Variants in KDM3B observed in about 807,000 individuals in gnomAD.
The protein encoded by KDM3B is lysine-specific demethylase 3B.
Under a neutral mutation model 170.0 loss-of-function variants are expected in KDM3B, and 10 were observed. That is an observed-to-expected ratio of 0.06 (90% CI 0.04 to 0.10). The LOEUF (loss-of-function observed/expected upper bound fraction) is 0.10, where lower values mean the gene tolerates loss of function less well. KDM3B is among the 10% of genes least tolerant of loss of function. KDM3B has a pLI of 1.00. For synonymous variants in KDM3B, 831 were observed against 834.8 expected (o/e 1.00, Z 0.08); for missense variants, 1,394 against 2,195.2 (o/e 0.64, Z 7.29).
chr5:138,403,794 TCCAG>T (rs1762748977), intron 11 of KDM3B, among the ~76,000 whole-genome samples: 1 of 148,692 alleles, frequency 6.7e-6, no homozygotes, highest in Non-Finnish European at 1.5e-5. Flanking sequence ...GGAGTTCAAT[TCCAG>T]CCTAGGCAAT....
intron 11 of KDM3B, among the ~76,000 whole-genome samples, chr5:138,407,274 C>T (rs1762847921): frequency 6.6e-6 from 1 of 152,118 alleles, no homozygotes; most frequent in Non-Finnish European, 1.5e-5. Flanking sequence ...GTGTGAGCCA[C>T]CACGCCCAGC....
chr5:138,405,819 C>T (rs1234851676), intron 11 of KDM3B, among the ~76,000 whole-genome samples: 3 of 151,962 alleles, frequency 2.0e-5, no homozygotes, highest in Non-Finnish European at 4.4e-5. Flanking sequence ...AATAGCAGCA[C>T]AGAGGAAAAG....
chr5:138,428,936 A>ATT (rs1763461775), intron 20 of KDM3B, among the ~76,000 whole-genome samples: 2 of 124,638 alleles, frequency 1.6e-5, no homozygotes, highest in African/African-American at 6.6e-5. Flanking sequence ...TTCAGGGATA[A>ATT]TTTCTTTTTT....
chr5:138,380,536 A>T (rs569705459), intron 5 of KDM3B, among the ~76,000 whole-genome samples: 10 of 152,096 alleles, frequency 6.6e-5, no homozygotes, highest in Admixed American at 5.2e-4. Flanking sequence ...CACTACATGG[A>T]TATATCATGA....
In KDM3B at chr5:138,436,938, A is replaced by G. The variant is rs1763691243; in HGVS notation, c.*1238A>G. 1 of 151,230 alleles carries G rather than the reference A, an allele frequency of 6.6e-6. No homozygotes were observed. The highest frequency in any genetic ancestry group is 2.1e-4 in the South Asian group (1 of 4,812). The allele number at this position is 151,230 out of a possible 1,614,324, so 9.4% of individuals were successfully genotyped here. On this transcript the variant is annotated 3_prime_UTR_variant, in exon 24 of 24. Coordinates refer to ENST00000314358, the MANE Select transcript of KDM3B (RefSeq NM_016604.4). ...TTTTTAAATAAAAGTCATTTAATGT[A>G]GAATACTTTTAATTTCACTTTCTGT...
chr5:138,400,949 C>A (rs1762670573), intron 11 of KDM3B, among the ~76,000 whole-genome samples: 1 of 150,450 alleles, frequency 6.6e-6, no homozygotes, highest in South Asian at 2.1e-4. Flanking sequence ...CTTTTTGTCT[C>A]TGTAGATTTG....
At chr5:138,387,233 A>G (rs1762287290) in intron 7 of KDM3B, among the ~76,000 whole-genome samples, 1 of 152,124 alleles carries the variant, frequency 6.6e-6, no homozygotes, top group African/African-American at 2.4e-5. Context: ...CTAAAATGGA[A>G]CCTCTGTTAA....
intron 11 of KDM3B, among the ~76,000 whole-genome samples, chr5:138,406,981 A>AT (rs745918786): frequency 0.24 from 28,933 of 118,960 alleles, 4,058 homozygotes; most frequent in East Asian, 0.49. Context: ...TATGCCAATA[A>AT]TTTTTTTTTT....
intron 11 of KDM3B, among the ~76,000 whole-genome samples, chr5:138,401,444 A>G (rs896647461): frequency 2.6e-5 from 4 of 152,226 alleles, no homozygotes; most frequent in Non-Finnish European, 4.4e-5. Flanking sequence ...GTTTTAGCAC[A>G]TGTGAACCAT....
chr5:138,367,383 T>C (rs1234920064), intron 1 of KDM3B, among the ~76,000 whole-genome samples: 1 of 152,174 alleles, frequency 6.6e-6, no homozygotes, highest in East Asian at 1.9e-4. Context: ...ACAGCCAGAA[T>C]CCAAACTGAT....
At chr5:138,425,703 T>G in intron 17 of KDM3B, 121 bp downstream of exon 17, 1 of 938,776 alleles carries the variant, frequency 1.1e-6, no homozygotes. Context: ...AAAAAATAAA[T>G]GAATAAAAAA....
intron 22 of KDM3B, 126 bp from the exon 23 acceptor site, chr5:138,431,298 GT>G: frequency 6.4e-6 from 5 of 775,352 alleles, no homozygotes; most frequent in Non-Finnish European, 9.7e-6. Context: ...GCTTTTCTGT[GT>G]TGTTATAAAA....
chr5:138,373,351 AAAC>A (rs1461226485), intron 2 of KDM3B, among the ~76,000 whole-genome samples: 4 of 152,226 alleles, frequency 2.6e-5, no homozygotes, highest in African/African-American at 9.6e-5. Context: ...AAAACAAAAA[AAAC>A]AACAATGAAA....
chr5:138,419,450 C>T (rs1336400555), intron 14 of KDM3B, among the ~76,000 whole-genome samples: 1 of 151,756 alleles, frequency 6.6e-6, no homozygotes, highest in African/African-American at 2.4e-5. Flanking sequence ...GTCAGGAGAT[C>T]AAGACCATCC....
intron 11 of KDM3B, among the ~76,000 whole-genome samples, chr5:138,400,315 C>G (rs1204049550): frequency 6.6e-6 from 1 of 151,798 alleles, no homozygotes; most frequent in African/African-American, 2.4e-5. Flanking sequence ...GCTTACTGCA[C>G]CCTTGACCTA....
intron 7 of KDM3B, among the ~76,000 whole-genome samples, chr5:138,390,063 G>A (rs950211401): frequency 5.9e-5 from 9 of 151,988 alleles, no homozygotes; most frequent in African/African-American, 1.9e-4. Flanking sequence ...GTTTCACCGT[G>A]TTGGCCAGGA....
At chr5:138,369,596 G>A (rs565698456) in intron 1 of KDM3B, among the ~76,000 whole-genome samples, 6 of 152,138 alleles carry the variant, frequency 3.9e-5, no homozygotes, top group Non-Finnish European at 5.9e-5. Flanking sequence ...TACTCCTAGC[G>A]TTTTTAGCCT....
chr5:138,432,806 G>A lies in KDM3B; in HGVS notation c.5205+1247G>A, dbSNP rs949109239. 4.6e-5 allele frequency among the ~76,000 whole-genome samples: 7 copies of A among 151,788 alleles called. No individual in the cohort carries two copies. The East Asian group carries it at 9.7e-4, about 21-fold the overall frequency. On this transcript the variant is annotated intron_variant, in intron 23 of 23. Coordinates refer to ENST00000314358, the MANE Select transcript of KDM3B (RefSeq NM_016604.4). ...TGAAGAGGTTTTGGAGTGCAGTGGC[G>A]TGATCTCGGCTCACTGCAAGCTCCG...
chr5:138,417,368 A>G, intron 12 of KDM3B, 115 bp from the exon 13 acceptor site: 1 of 1,005,804 alleles, frequency 9.9e-7, no homozygotes. Flanking sequence ...AAAAGCAGCT[A>G]CGTTATTGAA....
Sources: allele counts gnomAD v4.1 joint callset (sites outside exome capture counted in the v4.1 genomes callset), GRCh38; gene constraint gnomAD v4.1.1; transcripts MANE v1.5; gene names NCBI Gene and HGNC (gene_info 2026-07-23, HGNC 2026-07-21).